The following CAMSAP1 variants were observed in gnomAD, a reference collection of about 807,000 sequenced individuals.
CAMSAP1 encodes the protein calmodulin-regulated spectrin-associated protein 1.
Under a neutral mutation model 143.5 loss-of-function variants are expected in CAMSAP1, and 58 were observed. That is an observed-to-expected ratio of 0.40 (90% CI 0.33 to 0.50). CAMSAP1 has a LOEUF of 0.50. CAMSAP1 is among the 20% of genes least tolerant of loss of function. The pLI, the probability that CAMSAP1 is intolerant of heterozygous loss-of-function variation, is 0.45. For synonymous variants in CAMSAP1, 945 were observed against 859.3 expected, an observed-to-expected ratio of 1.10 and a Z score of -1.74; for missense variants, 1,969 against 2,115.7, an observed-to-expected ratio of 0.93 and a Z score of 1.36.
chr9:135,830,150 A>G (rs993235301), intron 7 of CAMSAP1, among the ~76,000 whole-genome samples: 2 of 152,246 alleles, frequency 1.3e-5, no homozygotes, highest in African/African-American at 4.8e-5. Flanking sequence ...GCAAGAGACA[A>G]AGACATGCAA....
intron 3 of CAMSAP1, among the ~76,000 whole-genome samples, chr9:135,876,481 A>G (rs1837753975): frequency 6.6e-6 from 1 of 152,232 alleles, no homozygotes; most frequent in South Asian, 2.1e-4. Flanking sequence ...GAAAACATTA[A>G]AACGACAATG....
intron 1 of CAMSAP1, among the ~76,000 whole-genome samples, chr9:135,905,890 C>T (rs1838761801): frequency 6.6e-6 from 1 of 152,234 alleles, no homozygotes; most frequent in South Asian, 2.1e-4. Context: ...TTCTCAAAAA[C>T]TCATGTGAAG....
chr9:135,873,952 T>C (rs556311681), intron 3 of CAMSAP1, among the ~76,000 whole-genome samples: 45 of 152,242 alleles, frequency 3.0e-4, no homozygotes, highest in African/African-American at 1.0e-3. Context: ...GCCGAGAGCA[T>C]TGACACAAAA....
intron 7 of CAMSAP1, among the ~76,000 whole-genome samples, chr9:135,840,017 T>C (rs1836280987): frequency 6.6e-6 from 1 of 152,204 alleles, no homozygotes; most frequent in Non-Finnish European, 1.5e-5. Flanking sequence ...CCAAGACCAG[T>C]GCTGACTCCT....
chr9:135,871,621 T>C (rs1411962465), intron 3 of CAMSAP1, among the ~76,000 whole-genome samples: 7 of 152,134 alleles, frequency 4.6e-5, no homozygotes. Context: ...CAAACATTGA[T>C]AGATTAAAAT....
chr9:135,895,293 A>G (rs1838407777), intron 1 of CAMSAP1, among the ~76,000 whole-genome samples: 1 of 152,236 alleles, frequency 6.6e-6, no homozygotes, highest in Non-Finnish European at 1.5e-5. Flanking sequence ...AGGACACATC[A>G]TGACTAAACT....
At position 135,821,921 on chromosome 9, in the gene CAMSAP1, C is replaced by T. The variant is rs1416382108; in HGVS notation, c.2740G>A (p.Ala914Thr). ...CCCTTCTTCACCACATGCAGGAATG[C>T]AGCCTTGCCGAGCTTCAGGCGCTGC... ...ARQRLKLGKA[A>T]FLHVVKKGKA... Residue 914 changes from alanine to threonine, a missense_variant, in exon 11 of 17, where the codon GCA becomes ACA. Ala to Thr is a moderately conservative substitution (Grantham distance 58). Coordinates refer to ENST00000389532, the MANE Select transcript of CAMSAP1 (RefSeq NM_015447.4). This position sits in a 1 kb window ranked among gnomAD's most constrained non-coding sequence, Gnocchi z 4.6. The T allele has an allele frequency of 8.1e-6, 13 of 1,613,468 alleles. No individual in the cohort carries two copies. Among genetic ancestry groups the T allele is most frequent in the Non-Finnish European group, 1.0e-5 (12 of 1,179,754 alleles).
intron 14 of CAMSAP1, 40 bp from the exon 15 acceptor site, chr9:135,816,045 C>A (rs1835219443): frequency 5.1e-6 from 8 of 1,581,798 alleles, no homozygotes; most frequent in Non-Finnish European, 6.9e-6. Context: ...AGGTGAAGCG[C>A]TGGCTTCCTC....
rs947753058 is a variant in CAMSAP1 at position 135,907,437 on chromosome 9, C to G, written c.-278G>C. On this transcript the variant is annotated 5_prime_UTR_variant, in exon 1 of 17. Transcript: ENST00000389532. ...GGCGCGGGCCGGGGGCGGGGGCGGG[C>G]GCGGGGGCGGGAGCGGGCCGGGGGC... Among the ~76,000 whole-genome samples, 1 of 142,496 alleles carries G rather than the reference C, an allele frequency of 7.0e-6. No individual in the cohort carries two copies. Among genetic ancestry groups the G allele is most frequent in the African/African-American group, 2.6e-5 (1 of 38,704 alleles). 93.5% of individuals were successfully genotyped at this position (142,496 alleles called of 152,430 possible).
Position 135,815,982 on chromosome 9 carries a change from G to C in CAMSAP1, c.4295C>G (p.Pro1432Arg). The C allele has an allele frequency of 6.2e-7, 1 of 1,613,760 alleles. No individual in the cohort carries two copies. The highest frequency in any genetic ancestry group is 8.5e-7 in the Non-Finnish European group (1 of 1,179,884). Residue 1432 changes from proline (P) to arginine (R), a missense_variant, in exon 15 of 17, where the codon CCC (proline) becomes CGC (arginine). Around this residue, in one of 4 missense-constraint regions of CAMSAP1, gnomAD observed 1,390 missense variants for 1,420.8 expected, o/e 0.98. Transcript: ENST00000389532. ...SQRVESMEAL[P>R]ILSRNPSRST... is the part of the protein sequence containing the mutation. ...CCTGCTTGGGTTACGGCTCAGTATG[G>C]GCAGGGCTTCCATCGATTCCACTCT...
intron 7 of CAMSAP1, among the ~76,000 whole-genome samples, chr9:135,834,734 C>T (rs74588014): frequency 6.6e-6 from 1 of 151,986 alleles, no homozygotes; most frequent in African/African-American, 2.4e-5. Context: ...CTATGTTGTC[C>T]GTTTGAGATC....
In CAMSAP1 at chr9:135,836,185, C is replaced by A. The variant is rs866659827; in HGVS notation, c.1046-8601G>T. 95 of 985,436 alleles carry A rather than the reference C, an allele frequency of 9.6e-5. No individual in the cohort carries two copies. In the African/African-American group the frequency reaches 1.4e-3, roughly 15 times the overall value. The allele number at this position is 985,436 out of a possible 1,614,324, so 61.0% of individuals were successfully genotyped here. On this transcript the variant is annotated intron_variant, in intron 7 of 16. Transcript: ENST00000389532. ...ATCTACAGACGCACATCACCACATA[C>A]CTTTACCCGTTCCGCAGCCACACAT...
At position 135,823,171 on chromosome 9, in the gene CAMSAP1, C is replaced by G; in HGVS notation, c.1490G>C (p.Arg497Pro). Residue 497 changes from arginine to proline, a missense_variant, in exon 11 of 17, where the codon CGC becomes CCC. Physicochemically the swap from Arg to Pro is moderately radical, Grantham distance 103 (BLOSUM62 -2). Coordinates refer to ENST00000389532, the MANE Select transcript of CAMSAP1 (RefSeq NM_015447.4). ...TGCCAAACTGTCTTTGCTGATGGAG[C>G]GGGCCAAGCTGATGCTGTCGCCAGA... ...PSSGDSISLARSISKDSLASN... is the reference protein window; with the variant it reads ...PSSGDSISLAPSISKDSLASN... 6.2e-7 allele frequency: 1 copy of G among 1,607,376 alleles called. No homozygotes were observed. The highest frequency in any genetic ancestry group is 8.5e-7 in the Non-Finnish European group (1 of 1,175,652).
intron 1 of CAMSAP1, among the ~76,000 whole-genome samples, chr9:135,883,803 C>A (rs1240097881): frequency 6.6e-6 from 1 of 152,206 alleles, no homozygotes; most frequent in Non-Finnish European, 1.5e-5. Context: ...GAAATTGAGG[C>A]ACAGAGAAAG....
chr9:135,890,825 G>C (rs1430253716), intron 1 of CAMSAP1, among the ~76,000 whole-genome samples: 1 of 152,228 alleles, frequency 6.6e-6, no homozygotes, highest in Non-Finnish European at 1.5e-5. Flanking sequence ...AAGACATCAT[G>C]AGCAAAAGCC....
chr9:135,869,243 C>T (rs1298013987), intron 3 of CAMSAP1, among the ~76,000 whole-genome samples: 1 of 152,006 alleles, frequency 6.6e-6, no homozygotes, highest in East Asian at 1.9e-4. Context: ...TGGCTCACAC[C>T]TGTAATCCCA....
chr9:135,808,624 C>T lies in CAMSAP1; in HGVS notation c.*2685G>A, dbSNP rs544733718. 6.6e-6 allele frequency: 1 copy of T among 152,294 alleles called. No individual in the cohort carries two copies. The highest frequency in any genetic ancestry group is 1.5e-5 in the Non-Finnish European group (1 of 68,030). The allele number at this position is 152,294 out of a possible 1,614,324, so 9.4% of individuals were successfully genotyped here. A position where few individuals can be genotyped will look rare whatever the true frequency, so the allele number is the denominator to read the frequency against. ...TTCAATTTTGCCTGAGTGAAGAATA[C>T]AGTTTGGGCCTGAAGTCTGCTAAGA... is the stretch of plus-strand genomic sequence containing the variant. On this transcript the variant is annotated 3_prime_UTR_variant, in exon 17 of 17. Transcript: ENST00000389532.
intron 7 of CAMSAP1, chr9:135,837,041 A>AG: frequency 2.7e-6 from 2 of 740,506 alleles, no homozygotes; most frequent in Non-Finnish European, 3.3e-6. Context: ...CATGTTCTAG[A>AG]GACACACATC....
intron 1 of CAMSAP1, among the ~76,000 whole-genome samples, chr9:135,893,007 A>T (rs1343662062): frequency 6.6e-6 from 1 of 151,952 alleles, no homozygotes; most frequent in Non-Finnish European, 1.5e-5. Context: ...TATCTCTACA[A>T]AAAGTTTTAA....
Sources: gnomAD v4.1 joint callset for allele counts (sites outside exome capture counted in the v4.1 genomes callset) on GRCh38, gnomAD v4.1.1 for gene constraint, gnomAD v4.1.1 regional missense constraint, Gnocchi (gnomAD v3.1) non-coding constraint, MANE v1.5 for transcripts, NCBI Gene and HGNC (gene_info 2026-07-23, HGNC 2026-07-21) for gene names.